Variants in MEI1 observed in about 807,000 individuals in gnomAD.
The protein encoded by MEI1 is meiosis inhibitor protein 1.
Under a neutral mutation model 146.2 loss-of-function variants are expected in MEI1, and 103 were observed. The observed-to-expected ratio is 0.70, with a 90% CI of 0.60 to 0.83. The LOEUF (loss-of-function observed/expected upper bound fraction) is 0.83. Among genes scored for constraint, MEI1 ranks in the 40% least tolerant of loss-of-function variants. MEI1 has a pLI of 0.00. For missense variants in MEI1, 1,529 were observed against 1,533.0 expected, an observed-to-expected ratio of 1.00 and a Z score of 0.04; for synonymous variants, 652 against 628.2, an observed-to-expected ratio of 1.04 and a Z score of -0.57.
intron 26 of MEI1, among the ~76,000 whole-genome samples, chr22:41,789,908 A>AAAGCCT (rs2076116798): frequency 1.3e-5 from 2 of 152,122 alleles, no homozygotes; most frequent in Non-Finnish European, 2.9e-5. Flanking sequence ...TTGCCTAGTG[A>AAAGCCT]ACAGGACCAA....
chr22:41,758,595 C>T (rs780400791), intron 18 of MEI1, 62 bp downstream of exon 18: 57 of 1,512,882 alleles, frequency 3.8e-5, no homozygotes, highest in Non-Finnish European at 4.9e-5. Flanking sequence ...CAGTTCAGTT[C>T]AATAAATAAG....
rs190318784 is a variant in MEI1 at position 41,705,866 on chromosome 22, C to T, written c.349+312C>T. 4.0e-5 allele frequency among the ~76,000 whole-genome samples: 6 copies of T among 151,806 alleles called. No individual in the cohort carries two copies. In the East Asian group the frequency reaches 1.2e-3, roughly 30 times the overall value. On this transcript the variant is annotated intron_variant, in intron 3 of 30. Coordinates refer to ENST00000401548, the MANE Select transcript of MEI1 (RefSeq NM_152513.4). ...GGGATTACAGGCATCTGCCACCACA[C>T]CCAGCTAATTTTTGTATTTTGAGTA... is the stretch of plus-strand genomic sequence containing the variant.
At chr22:41,699,820 G>T (rs1206151411) in intron 1 of MEI1, 108 bp downstream of exon 1, 90 of 1,335,934 alleles carry the variant, frequency 6.7e-5, no homozygotes, top group Non-Finnish European at 8.2e-5. Flanking sequence ...GCGAAACCGG[G>T]CCCCCGCGCT....
chr22:41,781,421 A>G, intron 23 of MEI1, 27 bp downstream of exon 23: 1 of 1,560,922 alleles, frequency 6.4e-7, no homozygotes, highest in Non-Finnish European at 8.8e-7. Flanking sequence ...TGGGACAGTG[A>G]AGAGTGCTGG....
At chr22:41,771,221 T>C (rs546711074) in intron 20 of MEI1, among the ~76,000 whole-genome samples, 2 of 152,282 alleles carry the variant, frequency 1.3e-5, no homozygotes, top group South Asian at 4.1e-4. Context: ...GGGATGACAC[T>C]ATGAAATGCA....
intron 23 of MEI1, 135 bp from the exon 24 acceptor site, chr22:41,781,550 A>G (rs2075757079): frequency 8.2e-7 from 1 of 1,215,344 alleles, no homozygotes. Flanking sequence ...TCTGTTATGA[A>G]GCTGGGACCC....
chr22:41,729,796 A>G lies in MEI1; in HGVS notation c.979+17A>G, dbSNP rs1159433288. On this transcript the variant is annotated intron_variant, in intron 8 of 30. Transcript: ENST00000401548. ...ACATCCCAGGTAGGGGAACACTTCT[A>G]ACCTTCTCCTCCCTATACTAGAAGG... The G allele has an allele frequency of 6.5e-7, 1 of 1,542,800 alleles. No individual in the cohort carries two copies. The highest frequency in any genetic ancestry group is 1.9e-5 in the Admixed American group (1 of 53,644).
intron 15 of MEI1, 118 bp from the exon 16 acceptor site, chr22:41,752,473 T>G: frequency 1.1e-6 from 1 of 924,926 alleles, no homozygotes; most frequent in Non-Finnish European, 1.7e-6. Context: ...GTGGAGTACA[T>G]TTTGAACCAA....
intron 20 of MEI1, among the ~76,000 whole-genome samples, chr22:41,773,181 T>C (rs762081777): frequency 1.9e-4 from 29 of 152,176 alleles, no homozygotes; most frequent in Non-Finnish European, 7.3e-5. Flanking sequence ...ACCTCTCCTT[T>C]CTGGAGGTGG....
chr22:41,759,629 CAAAAAATAAATA>C (rs1267185655), intron 18 of MEI1, among the ~76,000 whole-genome samples: 1 of 91,266 alleles, frequency 1.1e-5, no homozygotes, highest in African/African-American at 3.9e-5. Context: ...GACTCCGTCT[CAAAAAATAAATA>C]AATAAATAAA....
chr22:41,755,127 T>C (rs941514029), intron 17 of MEI1, among the ~76,000 whole-genome samples: 1 of 152,192 alleles, frequency 6.6e-6, no homozygotes, highest in South Asian at 2.1e-4. Flanking sequence ...GGTACTGCTG[T>C]GGATAGAGCG....
At chr22:41,741,055 C>T (rs1307731547) in intron 11 of MEI1, among the ~76,000 whole-genome samples, 1 of 152,178 alleles carries the variant, frequency 6.6e-6, no homozygotes, top group African/African-American at 2.4e-5. Context: ...GGATTACAGG[C>T]ACGCGCCACC....
chr22:41,751,489 GA>G (rs2073746419), intron 15 of MEI1, among the ~76,000 whole-genome samples: 1 of 152,172 alleles, frequency 6.6e-6, no homozygotes, highest in African/African-American at 2.4e-5. Context: ...AGCTAAGGCA[GA>G]AACTGCTGGC....
At chr22:41,706,793 TG>T (rs2069127723) in intron 3 of MEI1, among the ~76,000 whole-genome samples, 1 of 151,968 alleles carries the variant, frequency 6.6e-6, no homozygotes, top group South Asian at 2.1e-4. Context: ...GTAAGAGCCC[TG>T]GTATGTGACG....
At chr22:41,716,800 C>T (rs1361513868) in intron 5 of MEI1, among the ~76,000 whole-genome samples, 1 of 151,170 alleles carries the variant, frequency 6.6e-6, no homozygotes, top group Non-Finnish European at 1.5e-5. Context: ...CGCCATTCTA[C>T]TGCCTCAGCC....
intron 15 of MEI1, among the ~76,000 whole-genome samples, chr22:41,751,641 G>A (rs540491984): frequency 1.4e-4 from 22 of 152,180 alleles, no homozygotes; most frequent in Non-Finnish European, 1.8e-4. Context: ...GCGTGGTGGC[G>A]CGTGGCTGTA....
chr22:41,773,915 T>C (rs1053920408), intron 20 of MEI1, among the ~76,000 whole-genome samples: 1 of 152,084 alleles, frequency 6.6e-6, no homozygotes, highest in Non-Finnish European at 1.5e-5. Context: ...AGGAACAACT[T>C]TATTGTCTGT....
intron 19 of MEI1, among the ~76,000 whole-genome samples, chr22:41,766,096 T>G (rs1307430879): frequency 6.6e-6 from 1 of 151,914 alleles, no homozygotes; most frequent in Non-Finnish European, 1.5e-5. Flanking sequence ...TTTCACCGTA[T>G]TAGCCAGGAT....
In MEI1 at chr22:41,799,249, G is replaced by T; in HGVS notation, c.3780-5G>T. On this transcript the variant is annotated splice_region_variant and splice_polypyrimidine_tract_variant and intron_variant, in intron 30 of 30. Transcript: ENST00000401548. ...TGCTGTTTTCCTCTCATGTTTTGCT[G>T]CCAGCTGCCTGGGAGGGGTGGCTGT... 1 of 1,613,086 alleles carries T rather than the reference G, an allele frequency of 6.2e-7. No homozygotes were observed. Among genetic ancestry groups the T allele is most frequent in the Non-Finnish European group, 8.5e-7 (1 of 1,179,320 alleles).
Sources: allele counts gnomAD v4.1 joint callset (sites outside exome capture counted in the v4.1 genomes callset), GRCh38; gene constraint gnomAD v4.1.1; transcripts MANE v1.5; gene names NCBI Gene and HGNC (gene_info 2026-07-23, HGNC 2026-07-21).